The following ANO10 variants were observed in gnomAD, a reference collection of about 807,000 sequenced individuals.
ANO10 encodes anoctamin 10.
In ANO10, 77 loss-of-function variants were observed where a neutral mutation model predicts 74.7. The ratio of observed to expected loss-of-function variants is 1.03; its 90% confidence interval spans 0.86 to 1.25. ANO10 has a LOEUF of 1.25. ANO10 is among the 50% of genes most tolerant of loss of function. The pLI is 0.00. For synonymous variants in ANO10, 279 were observed against 284.9 expected (o/e 0.98, Z 0.21); for missense variants, 721 against 778.1 (o/e 0.93, Z 0.87).
At chr3:43,619,170 A>C (rs1368120283) in intron 1 of ANO10, among the ~76,000 whole-genome samples, 1 of 152,186 alleles carries the variant, frequency 6.6e-6, no homozygotes, top group Admixed American at 6.5e-5. Context: ...ATCCCCTTCT[A>C]AGGGATAGGT....
intron 1 of ANO10, among the ~76,000 whole-genome samples, chr3:43,678,827 C>T (rs542830557): frequency 2.6e-5 from 4 of 151,890 alleles, no homozygotes; most frequent in African/African-American, 7.3e-5. Flanking sequence ...AAATACTTTT[C>T]TTTATGGAAA....
chr3:43,564,579 C>T (rs138847724), intron 8 of ANO10, among the ~76,000 whole-genome samples: 3 of 152,166 alleles, frequency 2.0e-5, no homozygotes, highest in African/African-American at 7.2e-5. Flanking sequence ...AGCATTTTCC[C>T]GTATCATTAA....
At position 43,394,374 on chromosome 3, in the gene ANO10, C is replaced by T. The variant is rs566053013; in HGVS notation, c.1915-27400G>A. On this transcript the variant is annotated intron_variant, in intron 12 of 12. Transcript: ENST00000292246. ...GAAAACCTTCCTGTCATAAATATAC[C>T]ACCAGTAGCTCTGCATTTTTCTTTT... 7.2e-5 allele frequency among the ~76,000 whole-genome samples: 11 copies of T among 152,242 alleles called. No homozygotes were observed. In the South Asian group the frequency reaches 2.3e-3, roughly 32 times the overall value.
intron 10 of ANO10, chr3:43,551,399 G>A (rs1159683027): frequency 2.0e-5 from 8 of 401,472 alleles, no homozygotes; most frequent in Non-Finnish European, 3.9e-5. Flanking sequence ...CCTATATTGA[G>A]TTATAATTTA....
At chr3:43,509,356 T>C (rs1175383311) in intron 11 of ANO10, among the ~76,000 whole-genome samples, 2 of 152,014 alleles carry the variant, frequency 1.3e-5, no homozygotes, top group Admixed American at 1.3e-4. Context: ...ACCCTAGAAC[T>C]TAAATTTAAA....
intron 1 of ANO10, among the ~76,000 whole-genome samples, chr3:43,673,414 T>A (rs572432963): frequency 3.0e-4 from 45 of 152,314 alleles, no homozygotes; most frequent in African/African-American, 9.6e-4. Flanking sequence ...ATTATGGGTA[T>A]GAACTTTTTT....
At chr3:43,442,092 A>G (rs1409847946) in intron 11 of ANO10, among the ~76,000 whole-genome samples, 1 of 152,170 alleles carries the variant, frequency 6.6e-6, no homozygotes, top group Non-Finnish European at 1.5e-5. Context: ...GATCAGGAAC[A>G]TGGCGAGGAA....
intron 11 of ANO10, among the ~76,000 whole-genome samples, chr3:43,454,827 A>G (rs2075053874): frequency 1.3e-5 from 2 of 152,310 alleles, no homozygotes; most frequent in South Asian, 4.1e-4. Context: ...AATTTACACA[A>G]GTTTTGTTTA....
At chr3:43,671,888 T>C (rs965447457) in intron 1 of ANO10, among the ~76,000 whole-genome samples, 5 of 152,120 alleles carry the variant, frequency 3.3e-5, no homozygotes, top group Non-Finnish European at 7.4e-5. Context: ...CACCTTCAAA[T>C]CTCAAAGGAG....
At chr3:43,367,300 C>T (rs1433605945) in intron 12 of ANO10, among the ~76,000 whole-genome samples, 9 of 152,224 alleles carry the variant, frequency 5.9e-5, no homozygotes, top group Admixed American at 5.9e-4. Flanking sequence ...GGACGGGGCA[C>T]AGGCTTGGGA....
At chr3:43,549,273 ACATCAGGTACCAAATTAC>A (rs993722143) in intron 11 of ANO10, among the ~76,000 whole-genome samples, 3 of 125,288 alleles carry the variant, frequency 2.4e-5, no homozygotes, top group East Asian at 2.2e-4. Context: ...GTACCAAATT[ACATCAGGTACCAAATTAC>A]CATCAGGTAC....
chr3:43,505,436 A>C (rs1473063082), intron 11 of ANO10, among the ~76,000 whole-genome samples: 2 of 152,194 alleles, frequency 1.3e-5, no homozygotes, highest in African/African-American at 2.4e-5. Flanking sequence ...ATCGACTAAG[A>C]AGCATGTGTT....
chr3:43,665,182 A>C (rs562991799), intron 1 of ANO10, among the ~76,000 whole-genome samples: 3 of 152,382 alleles, frequency 2.0e-5, no homozygotes, highest in African/African-American at 7.2e-5. Context: ...ACACCATGGA[A>C]TACTATGCAG....
chr3:43,526,400 G>A (rs527519925), intron 11 of ANO10, among the ~76,000 whole-genome samples: 258 of 152,258 alleles, frequency 1.7e-3, no homozygotes, highest in African/African-American at 5.9e-3. Flanking sequence ...TGCCAGCCAC[G>A]GAGAAGCGTC....
In ANO10 at chr3:43,542,467, A is replaced by G. The variant is rs1434419501; in HGVS notation, c.1797+7253T>C. ...ATGATGGAGAGCCTGGCCCATGACA[A>G]CAAATCTAGAGCTGACAGAGTCATA... On this transcript the variant is annotated intron_variant, in intron 11 of 12. Transcript: ENST00000292246. Among the ~76,000 whole-genome samples the G allele has an allele frequency of 5.3e-5, 8 of 152,212 alleles. No homozygotes were observed. The South Asian group carries it at 8.3e-4, about 16-fold the overall frequency.
intron 11 of ANO10, among the ~76,000 whole-genome samples, chr3:43,495,992 C>T (rs1045126913): frequency 5.9e-5 from 9 of 152,066 alleles, no homozygotes; most frequent in African/African-American, 2.2e-4. Flanking sequence ...TGAGCCACCA[C>T]GTCTGGCCAG....
chr3:43,646,364 C>T (rs549208597), intron 1 of ANO10, among the ~76,000 whole-genome samples: 1 of 152,332 alleles, frequency 6.6e-6, no homozygotes, highest in Non-Finnish European at 1.5e-5. Context: ...GGGCACACTT[C>T]TGCCTGCTAC....
chr3:43,369,718 C>A (rs2091540152), intron 12 of ANO10, among the ~76,000 whole-genome samples: 1 of 152,192 alleles, frequency 6.6e-6, no homozygotes, highest in Non-Finnish European at 1.5e-5. Context: ...CCCTGGGTTG[C>A]CTGTGCCCAC....
rs190944743 is a variant in ANO10, at chr3:43,575,506, G to C, written c.1163-642C>G. On this transcript the variant is annotated intron_variant, in intron 6 of 12. Transcript: ENST00000292246. ...CTCAGCCTTATTCCCTCAAAACAAGGCTGACCATCTTCCTCCCAGGGTCAC... is the reference window on the plus strand; with the variant it reads ...CTCAGCCTTATTCCCTCAAAACAAGCCTGACCATCTTCCTCCCAGGGTCAC... Among the ~76,000 whole-genome samples, 531 of 152,238 alleles carry C rather than the reference G, an allele frequency of 3.5e-3. 5 individuals carry two copies. Among genetic ancestry groups the C allele is most frequent in the African/African-American group, 0.012 (514 of 41,532 alleles).
Sources: allele counts gnomAD v4.1 joint callset (sites outside exome capture counted in the v4.1 genomes callset), GRCh38; gene constraint gnomAD v4.1.1; transcripts MANE v1.5; gene names NCBI Gene and HGNC (gene_info 2026-07-23, HGNC 2026-07-21).